NR2C2: variants seen among roughly 807,000 people sequenced by gnomAD.
NR2C2 encodes Nuclear hormone receptor TR4.
Under a neutral mutation model 62.9 loss-of-function variants are expected in NR2C2, and 6 were observed. The ratio of observed to expected loss-of-function variants is 0.10; its 90% CI spans 0.05 to 0.19. NR2C2 has a LOEUF of 0.19. Ranked by LOEUF, NR2C2 falls within the 10% of genes least tolerant of loss-of-function variation. The pLI is 1.00. For synonymous variants in NR2C2, 272 were observed against 273.8 expected (o/e 0.99, Z 0.07); for missense variants, 479 against 762.7 (o/e 0.63, Z 4.38).
intron 1 of NR2C2, among the ~76,000 whole-genome samples, chr3:14,957,068 C>T (rs116209117): frequency 0.018 from 2,754 of 152,338 alleles, 36 homozygotes; most frequent in Middle Eastern, 0.048. Context: ...CAAATCTTCA[C>T]TATAACCTCA....
chr3:14,973,108 C>G (rs2040098010), intron 1 of NR2C2, among the ~76,000 whole-genome samples: 1 of 152,072 alleles, frequency 6.6e-6, no homozygotes, highest in Admixed American at 6.6e-5. Context: ...TCATAGTGTC[C>G]TTTGATGTAA....
At chr3:14,969,071 G>T (rs1189163452) in intron 1 of NR2C2, among the ~76,000 whole-genome samples, 3 of 149,080 alleles carry the variant, frequency 2.0e-5, no homozygotes, top group African/African-American at 7.4e-5. Context: ...CACCAGCATG[G>T]CACATGTATA....
intron 1 of NR2C2, among the ~76,000 whole-genome samples, chr3:14,974,176 A>C (rs979419476): frequency 5.3e-5 from 8 of 152,188 alleles, no homozygotes; most frequent in African/African-American, 1.7e-4. Context: ...TAAGAATTAT[A>C]CAGAACCTGT....
At chr3:14,968,720 G>T (rs188465679) in intron 1 of NR2C2, among the ~76,000 whole-genome samples, 8,703 of 142,052 alleles carry the variant, frequency 0.061, 384 homozygotes, top group Middle Eastern at 0.09. Context: ...CAATAGCAAA[G>T]ACTTGGACCC....
intron 1 of NR2C2, among the ~76,000 whole-genome samples, chr3:14,968,531 T>C (rs1443621431): frequency 6.6e-6 from 1 of 151,046 alleles, no homozygotes; most frequent in African/African-American, 2.5e-5. Flanking sequence ...TTTTACACTG[T>C]TGGTGGGACT....
chr3:14,966,303 C>T (rs1333144581), intron 1 of NR2C2, among the ~76,000 whole-genome samples: 4 of 152,160 alleles, frequency 2.6e-5, no homozygotes, highest in African/African-American at 7.2e-5. Flanking sequence ...GGGATAAGCC[C>T]GAGATAGGCT....
At chr3:14,977,599 T>G (rs926427152) in intron 1 of NR2C2, among the ~76,000 whole-genome samples, 1 of 152,314 alleles carries the variant, frequency 6.6e-6, no homozygotes, top group South Asian at 2.1e-4. Context: ...TCATTTTTGT[T>G]TCTTTTAGTT....
chr3:15,031,199 C>T (rs2041970527), intron 9 of NR2C2, among the ~76,000 whole-genome samples: 2 of 152,168 alleles, frequency 1.3e-5, no homozygotes, highest in South Asian at 4.2e-4. Flanking sequence ...GACTGCTCTG[C>T]CCTCTAGAGC....
chr3:15,038,323 C>G (rs1575043101), intron 12 of NR2C2, 186 bp downstream of exon 12: 1 of 519,450 alleles, frequency 1.9e-6, no homozygotes, highest in East Asian at 3.4e-5. Flanking sequence ...TTTACAGCCC[C>G]AAAGAAATAT....
At chr3:14,983,017 G>T (rs575655045) in intron 1 of NR2C2, among the ~76,000 whole-genome samples, 8 of 152,270 alleles carry the variant, frequency 5.3e-5, no homozygotes, top group Middle Eastern at 3.4e-3. Flanking sequence ...TAGGGTGCAT[G>T]AGATATTTTG....
intron 4 of NR2C2, 24 bp from the exon 5 acceptor site, chr3:15,020,729 T>A: frequency 1.9e-6 from 3 of 1,610,870 alleles, no homozygotes; most frequent in Non-Finnish European, 2.5e-6. Context: ...ACAAAATATT[T>A]GTGTATTCTT....
chr3:14,983,758 A>G (rs2040440610), intron 1 of NR2C2, among the ~76,000 whole-genome samples: 1 of 152,078 alleles, frequency 6.6e-6, no homozygotes, highest in South Asian at 2.1e-4. Flanking sequence ...GACTATTCGG[A>G]TTTTTTAGTT....
chr3:14,956,783 C>A (rs544325392), intron 1 of NR2C2, among the ~76,000 whole-genome samples: 1 of 152,184 alleles, frequency 6.6e-6, no homozygotes, highest in Admixed American at 6.5e-5. Context: ...TCAGGTGATC[C>A]GCCTGCCTTG....
intron 1 of NR2C2, among the ~76,000 whole-genome samples, chr3:14,967,853 T>A (rs564199584): frequency 6.6e-6 from 1 of 152,162 alleles, no homozygotes. Context: ...AACTATCTTA[T>A]CTTTGACAAA....
rs761678954 is a variant in NR2C2 at position 14,982,887 on chromosome 3, G to A, written c.-39-20989G>A. Among the ~76,000 whole-genome samples, 9 of 152,198 alleles carry A rather than the reference G, an allele frequency of 5.9e-5. No homozygotes were observed. In the South Asian group the frequency reaches 1.7e-3, roughly 28 times the overall value. On this transcript the variant is annotated intron_variant, in intron 1 of 13. Transcript: ENST00000425241. ...AACAATTTGCTATGAGCCTTTATTC[G>A]ATTAAGGACATTGGAATAAAAGTTG... is the stretch of plus-strand genomic sequence containing the variant.
intron 1 of NR2C2, among the ~76,000 whole-genome samples, chr3:14,974,075 A>G (rs565957172): frequency 1.3e-5 from 2 of 152,284 alleles, no homozygotes; most frequent in South Asian, 2.1e-4. Context: ...GAAACTCTAT[A>G]CTTATTAAAC....
intron 1 of NR2C2, among the ~76,000 whole-genome samples, chr3:14,985,139 T>C (rs1234584161): frequency 6.6e-6 from 1 of 152,184 alleles, no homozygotes; most frequent in Non-Finnish European, 1.5e-5. Context: ...TTATTTCTTT[T>C]CTTGAGTTTT....
chr3:15,032,850 A>G (rs1269807143), intron 10 of NR2C2, among the ~76,000 whole-genome samples: 2 of 152,242 alleles, frequency 1.3e-5, no homozygotes, highest in Non-Finnish European at 2.9e-5. Context: ...CTAGGCCTTA[A>G]TAAGGTGAAT....
intron 4 of NR2C2, among the ~76,000 whole-genome samples, chr3:15,018,981 C>T (rs771871027): frequency 9.6e-4 from 134 of 139,104 alleles, no homozygotes; most frequent in South Asian, 1.8e-3. Context: ...CACCACTGCA[C>T]TCCAGCCTGG....
Sources: gnomAD v4.1 joint callset for allele counts (sites outside exome capture counted in the v4.1 genomes callset) on GRCh38, gnomAD v4.1.1 for gene constraint, MANE v1.5 for transcripts, NCBI Gene and HGNC (gene_info 2026-07-23, HGNC 2026-07-21) for gene names.